PTPRD: variants seen among roughly 807,000 people sequenced by gnomAD.
PTPRD encodes the protein protein tyrosine phosphatase receptor type D.
In PTPRD, 34 loss-of-function variants were observed where a neutral mutation model predicts 214.5. The observed-to-expected ratio is 0.16, with a 90% confidence interval of 0.12 to 0.21. PTPRD has a LOEUF of 0.21. Among genes scored for constraint, PTPRD ranks in the 10% least tolerant of loss-of-function variants. PTPRD has a pLI of 1.00. For missense variants in PTPRD, 2,545 were observed against 2,398.7 expected (o/e 1.06, Z -1.27); for synonymous variants, 1,128 against 845.7 (o/e 1.33, Z -5.79).
intron 8 of PTPRD, among the ~76,000 whole-genome samples, chr9:9,462,424 G>A (rs1246610095): frequency 4.6e-5 from 7 of 152,098 alleles, no homozygotes; most frequent in Admixed American, 2.0e-4. Context: ...GGCAATAAAT[G>A]ATTCACCAGA....
At chr9:9,548,483 C>T (rs183518591) in intron 8 of PTPRD, among the ~76,000 whole-genome samples, 24 of 148,674 alleles carry the variant, frequency 1.6e-4, no homozygotes, top group Non-Finnish European at 2.4e-4. Context: ...TCTTGGTTCA[C>T]TGTAACCTCC....
chr9:8,660,025 A>C (rs2097003905), intron 12 of PTPRD, among the ~76,000 whole-genome samples: 1 of 152,200 alleles, frequency 6.6e-6, no homozygotes, highest in African/African-American at 2.4e-5. Flanking sequence ...TGGTGGAGAC[A>C]CCCTCTGTTC....
intron 9 of PTPRD, among the ~76,000 whole-genome samples, chr9:9,194,231 C>T (rs1182167626): frequency 6.6e-6 from 1 of 152,086 alleles, no homozygotes; most frequent in African/African-American, 2.4e-5. Context: ...ATAACAATGC[C>T]TTCATCTGGA....
At position 9,597,908 on chromosome 9, in the gene PTPRD, C is replaced by T. The variant is rs1376246290; in HGVS notation, c.-286-23127G>A. Among the ~76,000 whole-genome samples, 3 of 151,756 alleles carry T rather than the reference C, an allele frequency of 2.0e-5. No individual in the cohort carries two copies. The East Asian group carries it at 5.8e-4, about 29-fold the overall frequency. ...TGTTGATAAAAGAATAAAATCTTTC[C>T]CTAATTTTCTGTGATATCCAAACTA... On this transcript the variant is annotated intron_variant, in intron 7 of 45. Transcript: ENST00000381196.
intron 21 of PTPRD, among the ~76,000 whole-genome samples, chr9:8,509,547 G>A (rs1263279328): frequency 6.6e-6 from 1 of 152,142 alleles, no homozygotes; most frequent in African/African-American, 2.4e-5. Context: ...CAACACTGAA[G>A]GGCTGCTCTC....
intron 3 of PTPRD, among the ~76,000 whole-genome samples, chr9:10,177,725 G>C (rs574947889): frequency 6.6e-6 from 1 of 151,818 alleles, no homozygotes; most frequent in South Asian, 2.1e-4. Flanking sequence ...TTTTGAATTG[G>C]GGTATGTTCT....
At chr9:8,844,235 A>C (rs1230665241) in intron 11 of PTPRD, among the ~76,000 whole-genome samples, 1 of 152,182 alleles carries the variant, frequency 6.6e-6, no homozygotes. Flanking sequence ...ATTTGCTTAC[A>C]TCATTATTTC....
chr9:9,815,567 T>C (rs2048490068), intron 5 of PTPRD, among the ~76,000 whole-genome samples: 1 of 151,932 alleles, frequency 6.6e-6, no homozygotes, highest in Admixed American at 6.6e-5. Flanking sequence ...ATAAACAAAA[T>C]GTAAAGAAAT....
chr9:9,815,697 C>T (rs1216812993), intron 5 of PTPRD, among the ~76,000 whole-genome samples: 2 of 151,866 alleles, frequency 1.3e-5, no homozygotes, highest in East Asian at 1.9e-4. Context: ...TCTAAAAAGT[C>T]GAACTCTGAA....
intron 3 of PTPRD, among the ~76,000 whole-genome samples, chr9:10,182,753 C>A (rs1164742089): frequency 6.6e-6 from 1 of 152,100 alleles, no homozygotes; most frequent in Non-Finnish European, 1.5e-5. Flanking sequence ...AGTTGGGACT[C>A]ATGTACTTCA....
intron 9 of PTPRD, among the ~76,000 whole-genome samples, chr9:9,361,164 G>A (rs2055993912): frequency 6.6e-6 from 1 of 151,054 alleles, no homozygotes. Context: ...ATAGGTCAAA[G>A]GCTTACAACT....
intron 4 of PTPRD, among the ~76,000 whole-genome samples, chr9:9,960,032 C>T (rs2094240614): frequency 6.6e-6 from 1 of 151,978 alleles, no homozygotes; most frequent in African/African-American, 2.4e-5. Context: ...TGCCTAGCAC[C>T]CTGATACTGG....
chr9:10,208,305 G>T (rs1426255088), intron 3 of PTPRD, among the ~76,000 whole-genome samples: 1 of 152,200 alleles, frequency 6.6e-6, no homozygotes, highest in Non-Finnish European at 1.5e-5. Context: ...ACGAGGTCAG[G>T]AGATCGACGC....
chr9:9,947,540 TAA>T (rs1491117773), intron 4 of PTPRD, among the ~76,000 whole-genome samples: 2 of 31,010 alleles, frequency 6.4e-5, no homozygotes, highest in Non-Finnish European at 1.0e-4. Context: ...ATTTTATATA[TAA>T]TATATATATT....
At chr9:10,013,070 G>T (rs1334750585) in intron 4 of PTPRD, among the ~76,000 whole-genome samples, 1 of 151,894 alleles carries the variant, frequency 6.6e-6, no homozygotes, top group Non-Finnish European at 1.5e-5. Flanking sequence ...GCAAATCAAT[G>T]ATTTGAACTT....
chr9:9,739,948 T>C (rs567153759), intron 6 of PTPRD, among the ~76,000 whole-genome samples: 7 of 152,142 alleles, frequency 4.6e-5, no homozygotes, highest in Non-Finnish European at 8.8e-5. Context: ...TCCAAAAATA[T>C]AAATATCTAT....
chr9:9,857,864 G>A (rs967778677), intron 5 of PTPRD, among the ~76,000 whole-genome samples: 5 of 152,070 alleles, frequency 3.3e-5, no homozygotes, highest in Admixed American at 1.3e-4. Flanking sequence ...TGAAGAAAGA[G>A]AACATTAATA....
At chr9:10,294,188 A>G (rs930223055) in intron 3 of PTPRD, among the ~76,000 whole-genome samples, 39 of 151,848 alleles carry the variant, frequency 2.6e-4, no homozygotes, top group African/African-American at 9.4e-4. Flanking sequence ...TTTTCCCCCA[A>G]TTTCCCAAGT....
intron 3 of PTPRD, among the ~76,000 whole-genome samples, chr9:10,231,903 A>C (rs2099611450): frequency 6.7e-6 from 1 of 150,090 alleles, no homozygotes; most frequent in Admixed American, 6.7e-5. Context: ...TTCTCTTGGT[A>C]GTGAATTATC....
Sources: gnomAD v4.1 joint callset for allele counts (sites outside exome capture counted in the v4.1 genomes callset) on GRCh38, gnomAD v4.1.1 for gene constraint, MANE v1.5 for transcripts, NCBI Gene and HGNC (gene_info 2026-07-23, HGNC 2026-07-21) for gene names.